The following RBM47 variants were observed in gnomAD, a reference collection of about 807,000 sequenced individuals.
RBM47 encodes RNA binding motif protein 47, also known as RNA-binding protein 47.
In RBM47, 21 loss-of-function variants were observed where a neutral mutation model predicts 47.1. The ratio of observed to expected loss-of-function variants is 0.45; its 90% confidence interval spans 0.32 to 0.64. The LOEUF (loss-of-function observed/expected upper bound fraction) is 0.64, where lower values mean the gene tolerates loss of function less well. Among genes scored for constraint, RBM47 ranks in the 30% least tolerant of loss-of-function variants. The probability of loss-of-function intolerance (pLI) is 0.05; values close to 1 mark genes in which losing one functional copy is unlikely to be tolerated. For synonymous variants in RBM47, 375 were observed against 361.7 expected (o/e 1.04, Z -0.42); for missense variants, 708 against 870.9 (o/e 0.81, Z 2.35).
chr4:40,560,133 A>G (rs1172744295), intron 1 of RBM47, among the ~76,000 whole-genome samples: 1 of 151,856 alleles, frequency 6.6e-6, no homozygotes, highest in Non-Finnish European at 1.5e-5. Flanking sequence ...CTGAGTTTTG[A>G]CCCACAGAGG....
intron 2 of RBM47, among the ~76,000 whole-genome samples, chr4:40,496,778 G>A (rs1458990532): frequency 1.3e-5 from 2 of 152,160 alleles, no homozygotes; most frequent in African/African-American, 4.8e-5. Flanking sequence ...AGTGGCTCAC[G>A]TCTGTAATCC....
chr4:40,555,183 C>A (rs769046940), intron 1 of RBM47, among the ~76,000 whole-genome samples: 8 of 152,218 alleles, frequency 5.3e-5, no homozygotes, highest in Non-Finnish European at 8.8e-5. Context: ...GCAATCCACC[C>A]GCCTCAGACT....
intron 2 of RBM47, among the ~76,000 whole-genome samples, chr4:40,494,644 T>C (rs1415544195): frequency 1.3e-5 from 2 of 152,022 alleles, no homozygotes; most frequent in African/African-American, 4.8e-5. Flanking sequence ...GTAGCCCATA[T>C]GTGCTTTCTC....
intron 6 of RBM47, 143 bp downstream of exon 6, chr4:40,432,508 A>G: frequency 1.4e-6 from 2 of 1,425,252 alleles, no homozygotes; most frequent in Non-Finnish European, 1.9e-6. Flanking sequence ...TCATGCTTCA[A>G]ATTCAAAATG....
chr4:40,423,721 CTTTT>C lies in RBM47; in HGVS notation c.*2179_*2182del, dbSNP rs1714683166. 1.9e-5 allele frequency: 2 copies of C among 106,638 alleles called. No homozygotes were observed. The highest frequency in any genetic ancestry group is 7.7e-5 in the African/African-American group (2 of 26,106). 6.6% of individuals were successfully genotyped at this position (106,638 alleles called of 1,614,324 possible). The stretch of plus-strand genomic sequence containing the variant: ...CTTTCTTTCTTTCTTTCTTTTCTTT[CTTTT>C]CTTTCTTCCTCTTCTTCTTCTTTTT... On this transcript the variant is annotated 3_prime_UTR_variant, in exon 7 of 7. Coordinates refer to ENST00000295971, the MANE Select transcript of RBM47 (RefSeq NM_001098634.2).
intron 2 of RBM47, among the ~76,000 whole-genome samples, chr4:40,502,326 T>C (rs998773502): frequency 1.3e-5 from 2 of 152,142 alleles, no homozygotes; most frequent in African/African-American, 4.8e-5. Flanking sequence ...GTTCAAAAAA[T>C]GGAGTCCAGA....
At chr4:40,487,930 C>G (rs1298528391) in intron 2 of RBM47, among the ~76,000 whole-genome samples, 2 of 126,392 alleles carry the variant, frequency 1.6e-5, no homozygotes, top group Non-Finnish European at 3.4e-5. Flanking sequence ...CCTACAGGGC[C>G]AGAGGAGGGA....
At chr4:40,525,719 A>C (rs1478774650) in intron 2 of RBM47, among the ~76,000 whole-genome samples, 2 of 152,226 alleles carry the variant, frequency 1.3e-5, no homozygotes, top group African/African-American at 4.8e-5. Context: ...GCATTTTAAA[A>C]GCCAAGGCTT....
intron 4 of RBM47, among the ~76,000 whole-genome samples, chr4:40,437,090 A>AAAAAATATAT (rs1256296949): frequency 1.2e-4 from 6 of 49,802 alleles, no homozygotes; most frequent in South Asian, 1.1e-3. Flanking sequence ...AAAAAAAAAA[A>AAAAAATATAT]ATATATATAT....
intron 2 of RBM47, among the ~76,000 whole-genome samples, chr4:40,476,051 A>G (rs1719562037): frequency 6.6e-6 from 1 of 152,220 alleles, no homozygotes; most frequent in Non-Finnish European, 1.5e-5. Context: ...ATTCAAACCC[A>G]AATAACGACC....
chr4:40,437,108 T>TAA lies in RBM47; in HGVS notation c.1124-462_1124-461insTT, dbSNP rs1408186519. ...AAAAAAAAATATATATATATATATA[T>TAA]ATAAAATACATATATATATATATAA... is the stretch of plus-strand genomic sequence containing the variant. On this transcript the variant is annotated intron_variant, in intron 4 of 6. Coordinates refer to ENST00000295971, the MANE Select transcript of RBM47 (RefSeq NM_001098634.2). 3.0e-3 allele frequency among the ~76,000 whole-genome samples: 226 copies of TAA among 75,732 alleles called. 9 individuals carry two copies. The highest frequency in any genetic ancestry group is 0.011 in the African/African-American group (134 of 12,272). The allele number at this position is 75,732 out of a possible 152,430, so 49.7% of individuals were successfully genotyped here.
intron 1 of RBM47, among the ~76,000 whole-genome samples, chr4:40,580,887 A>C (rs1732831421): frequency 6.6e-6 from 1 of 152,288 alleles, no homozygotes; most frequent in Non-Finnish European, 1.5e-5. Flanking sequence ...AGAGTTGAAC[A>C]AAGAGACAGG....
chr4:40,490,676 G>A (rs887829584), intron 2 of RBM47, among the ~76,000 whole-genome samples: 3 of 151,890 alleles, frequency 2.0e-5, no homozygotes, highest in African/African-American at 7.3e-5. Context: ...ACTTGAACCC[G>A]GGAGGCGGAG....
intron 2 of RBM47, among the ~76,000 whole-genome samples, chr4:40,497,668 T>C (rs1577801028): frequency 1.3e-5 from 2 of 151,568 alleles, no homozygotes; most frequent in East Asian, 3.9e-4. Context: ...GAGAAATACT[T>C]ATAAATTCAA....
At chr4:40,550,711 G>A (rs35848876) in intron 1 of RBM47, among the ~76,000 whole-genome samples, 30,220 of 151,910 alleles carry the variant, frequency 0.2, 3,554 homozygotes, top group African/African-American at 0.32. Flanking sequence ...GAGCCACCGC[G>A]CCTGGCCCTA....
At chr4:40,550,104 C>T (rs1355153497) in intron 1 of RBM47, among the ~76,000 whole-genome samples, 2 of 152,200 alleles carry the variant, frequency 1.3e-5, no homozygotes, top group African/African-American at 4.8e-5. Context: ...AAGGGTCAAA[C>T]CCAACAGAGC....
chr4:40,607,573 G>A (rs1337611087), intron 1 of RBM47, among the ~76,000 whole-genome samples: 1 of 152,096 alleles, frequency 6.6e-6, no homozygotes, highest in Admixed American at 6.6e-5. Flanking sequence ...CAGGTATGGT[G>A]GCACACGCCT....
chr4:40,458,472 C>G (rs926885441), intron 3 of RBM47, among the ~76,000 whole-genome samples: 4 of 152,150 alleles, frequency 2.6e-5, no homozygotes, highest in Admixed American at 6.5e-5. Context: ...ATACTCTCAA[C>G]ATTGAAAAAG....
At chr4:40,556,728 A>T (rs1322961959) in intron 1 of RBM47, among the ~76,000 whole-genome samples, 2 of 151,946 alleles carry the variant, frequency 1.3e-5, no homozygotes, top group Non-Finnish European at 1.5e-5. Context: ...TGTCTCTATA[A>T]AAAATAAAAA....
Sources: gnomAD v4.1 joint callset for allele counts (sites outside exome capture counted in the v4.1 genomes callset) on GRCh38, gnomAD v4.1.1 for gene constraint, MANE v1.5 for transcripts, NCBI Gene and HGNC (gene_info 2026-07-23, HGNC 2026-07-21) for gene names.